The following TTN variants were observed in gnomAD, a reference collection of about 807,000 sequenced individuals.
The protein encoded by TTN is titin, also known as connectin.
TTN carries 1,525 observed loss-of-function variants against 3,223.0 expected under a neutral mutation model. The ratio of observed to expected loss-of-function variants is 0.47; its 90% confidence interval spans 0.45 to 0.49. The LOEUF (loss-of-function observed/expected upper bound fraction) is 0.49. Ranked by LOEUF, TTN falls within the 20% of genes least tolerant of loss-of-function variation. The pLI is 0.00. For synonymous variants in TTN, 14,094 were observed against 15,161.0 expected, an observed-to-expected ratio of 0.93 and a Z score of 5.17; for missense variants, 40,786 against 43,424.0, an observed-to-expected ratio of 0.94 and a Z score of 5.40.
rs767996372 is a variant in TTN, at chr2:178,714,425, T to C, written c.26349A>G (p.Ile8783Met). The change falls in exon 91 of 363, where the codon ATA becomes ATG. Residue 8783 changes from isoleucine (I) to methionine (M), a missense_variant. Ile to Met is a conservative substitution (Grantham distance 10). Transcript: ENST00000589042. ...KGEIVRESDN[I>M]WISYSENIAT... ...CAATGTTTTCTGAATAAGAAATCCA[T>C]ATGTTGTCACTTTCTCTAACGATTT... 9 of 1,613,798 alleles carry C rather than the reference T, an allele frequency of 5.6e-6. No individual in the cohort carries two copies. Among genetic ancestry groups the C allele is most frequent in the Non-Finnish European group, 6.8e-6 (8 of 1,179,754 alleles).
In TTN at chr2:178,722,045, C is replaced by CA. The variant is rs769088567; in HGVS notation, c.22617dup (p.Gly7540TrpfsTer13). The CA allele has an allele frequency of 6.2e-7, 1 of 1,613,052 alleles. No individual in the cohort carries two copies. Among genetic ancestry groups the CA allele is most frequent in the Non-Finnish European group, 8.5e-7 (1 of 1,179,412 alleles). ...CAAGTGATTCGCATCGGTTGAGCACCAGTAACATGACACTCAAAATCAGCA... is the reference window on the plus strand; with the variant it reads ...CAAGTGATTCGCATCGGTTGAGCACCAAGTAACATGACACTCAAAATCAGCA... On this transcript the variant is annotated frameshift_variant, in exon 78 of 363. Transcript: ENST00000589042. LOFTEE classifies it high-confidence loss of function.
Position 178,718,457 on chromosome 2 carries a change from A to G in TTN, c.24649T>C (p.Cys8217Arg). The change falls in exon 85 of 363, where the codon TGC (cysteine) becomes CGC (arginine). Residue 8217 changes from cysteine to arginine, a missense_variant. Physicochemically the swap from Cys to Arg is radical, Grantham distance 180. Transcript: ENST00000589042. ...GATTTTTCTGTCATAGTAATACTGC[A>G]TCTCTCAGATTGTGAAATAAGATAC... is the stretch of plus-strand genomic sequence containing the variant. ...DEYLISQSER[C>R]SITMTEKSTI... The G allele has an allele frequency of 6.2e-7, 1 of 1,613,780 alleles. No homozygotes were observed. The highest frequency in any genetic ancestry group is 8.5e-7 in the Non-Finnish European group (1 of 1,179,762).
chr2:178,728,831 T>C, intron 65 of TTN, 53 bp from the exon 66 acceptor site: 1 of 1,571,402 alleles, frequency 6.4e-7, no homozygotes. Flanking sequence ...CCACTAGAAA[T>C]AATGTCTGCT....
rs772038176 is a variant in TTN at position 178,570,611 on chromosome 2, G to A, written c.75521C>T (p.Ala25174Val). 1.9e-6 allele frequency: 3 copies of A among 1,613,398 alleles called. No individual in the cohort carries two copies. The highest frequency in any genetic ancestry group is 2.5e-6 in the Non-Finnish European group (3 of 1,179,618). The part of the protein sequence containing the change: ...DFATSLSVKD[A>V]VRVDSGNYIL... ...GTAATTTCCACTGTCGACACGTACT[G>A]CATCTTTTACACTGAGACTGGTGGC... Residue 25174 changes from alanine (A) to valine (V), a missense_variant, in exon 326 of 363, where the codon GCA (alanine) becomes GTA (valine). Physicochemically the swap from Ala to Val is moderately conservative, Grantham distance 64. Coordinates refer to ENST00000589042, the MANE Select transcript of TTN (RefSeq NM_001267550.2).
At chr2:178,679,506 T>A (rs2068833467) in intron 141 of TTN, 90 bp from the exon 142 acceptor site, 1 of 1,584,944 alleles carries the variant, frequency 6.3e-7, no homozygotes, top group Non-Finnish European at 8.6e-7. Flanking sequence ...CAACGGACAG[T>A]GACACACACA....
chr2:178,588,135 T>A lies in TTN; in HGVS notation c.63272A>T (p.Asp21091Val). The change falls in exon 305 of 363, where the codon GAT (aspartate) becomes GTT (valine). Residue 21091 changes from aspartate to valine, a missense_variant. Asp to Val is a radical substitution (Grantham distance 152). Coordinates refer to ENST00000589042, the MANE Select transcript of TTN (RefSeq NM_001267550.2). ...ATATCCAATGATCGGTGCACCACCATCATAGACTGGTTTTCCCCACCCAAG... is the reference window on the plus strand; with the variant it reads ...ATATCCAATGATCGGTGCACCACCAACATAGACTGGTTTTCCCCACCCAAG... ...ITLGWGKPVY[D>V]GGAPIIGYVV... The A allele has an allele frequency of 6.2e-7, 1 of 1,611,928 alleles. No individual in the cohort carries two copies. The highest frequency in any genetic ancestry group is 1.1e-5 in the South Asian group (1 of 90,956).
At chr2:178,693,822 G>A in intron 118 of TTN, 100 bp downstream of exon 118, 1 of 1,243,526 alleles carries the variant, frequency 8.0e-7, no homozygotes, top group Non-Finnish European at 1.1e-6. Context: ...TTTACAAGGA[G>A]ACAGAAATGT....
chr2:178,709,540 A>G (rs988944875), intron 99 of TTN, 26 bp downstream of exon 99: 7 of 1,580,520 alleles, frequency 4.4e-6, no homozygotes, highest in Non-Finnish European at 6.0e-6. Flanking sequence ...AAAACACAAC[A>G]GGTTGGGGCT....
chr2:178,533,659 G>A lies in TTN; in HGVS notation c.102956C>T (p.Thr34319Ile), dbSNP rs549304089. Residue 34319 changes from threonine (T) to isoleucine (I), a missense_variant, in exon 358 of 363, where the codon ACA becomes ATA. Thr to Ile is a moderately conservative substitution (Grantham distance 89, BLOSUM62 -1). Coordinates refer to ENST00000589042, the MANE Select transcript of TTN (RefSeq NM_001267550.2). ...FESDKGLYQL[T>I]INSVTTDDDA... Reference sequence around the variant, plus strand: ...ATCATCTGTAGTGACACTGTTGATTGTTAATTGGTAAAGACCCTTGTCTGA... The same window carrying A: ...ATCATCTGTAGTGACACTGTTGATTATTAATTGGTAAAGACCCTTGTCTGA... 2.2e-5 allele frequency: 36 copies of A among 1,613,902 alleles called. No individual in the cohort carries two copies. In the South Asian group the frequency reaches 3.8e-4, roughly 17 times the overall value.
At chr2:178,676,912 T>A (rs2154268041) in intron 147 of TTN, among the ~76,000 whole-genome samples, 1 of 151,808 alleles carries the variant, frequency 6.6e-6, no homozygotes, top group South Asian at 2.1e-4. Flanking sequence ...TACTTATTCA[T>A]ATATATTTAA....
intron 147 of TTN, among the ~76,000 whole-genome samples, chr2:178,676,545 A>G (rs540613064): frequency 3.3e-5 from 5 of 152,014 alleles, no homozygotes; most frequent in Non-Finnish European, 5.9e-5. Flanking sequence ...TATTCATTCA[A>G]TGATAGACTA....
chr2:178,730,395 A>C, intron 61 of TTN, 24 bp from the exon 62 acceptor site: 1 of 1,556,100 alleles, frequency 6.4e-7, no homozygotes, highest in Non-Finnish European at 8.7e-7. Context: ...AAAAACAAGC[A>C]AAAGAAAATA....
rs376894729 is a variant in TTN at position 178,534,459 on chromosome 2, C to A, written c.102156G>T (p.Arg34052=). The change falls in exon 358 of 363, where the codon CGG becomes CGT. Residue 34052 remains arginine (R), a synonymous_variant. Coordinates refer to ENST00000589042, the MANE Select transcript of TTN (RefSeq NM_001267550.2). ...GAGATTTCCTCTCTTTCACTAACAACCGGTCAACAAAATCCATGGCTTCAA... is the reference window on the plus strand; with the variant it reads ...GAGATTTCCTCTCTTTCACTAACAAACGGTCAACAAAATCCATGGCTTCAA... The part of the protein sequence containing the change: ...ISIEAMDFVD[R]LLVKERKSRM... 296 of 1,613,290 alleles carry A rather than the reference C, an allele frequency of 1.8e-4. 1 individual carries two copies. The highest frequency in any genetic ancestry group is 2.3e-4 in the Non-Finnish European group (267 of 1,179,822).
rs397517713 is a variant in TTN at position 178,567,762 on chromosome 2, T to C, written c.78370A>G (p.Ile26124Val). Residue 26124 changes from isoleucine to valine, a missense_variant, in exon 326 of 363, where the codon ATT (isoleucine) becomes GTT (valine). Coordinates refer to ENST00000589042, the MANE Select transcript of TTN (RefSeq NM_001267550.2). ...TCAGGCAAATCACGTTTCTCTACAATGTAGCCTGTAATCATACTTCCACCA... is the reference window on the plus strand; with the variant it reads ...TCAGGCAAATCACGTTTCTCTACAACGTAGCCTGTAATCATACTTCCACCA... ...YDGGSMITGY[I>V]VEKRDLPDGR... 4 of 1,613,478 alleles carry C rather than the reference T, an allele frequency of 2.5e-6. No individual in the cohort carries two copies. The highest frequency in any genetic ancestry group is 3.4e-6 in the Non-Finnish European group (4 of 1,179,572).
Position 178,773,216 on chromosome 2 carries a change from T to C in TTN, c.7748A>G (p.His2583Arg), listed in dbSNP as rs2091790336. The change falls in exon 33 of 363, where the codon CAT becomes CGT. Residue 2583 changes from histidine to arginine, a missense_variant. By Grantham distance (29) the His-to-Arg change is conservative. Transcript: ENST00000589042. ...KPSSKYKIEA[H>R]GKIYKLTVLN... is the part of the protein sequence containing the mutation. ...AACTGTCAATTTATATATTTTTCCA[T>C]GTGCTTCAATTTTATATTTAGAACT... 1.2e-6 allele frequency: 2 copies of C among 1,613,886 alleles called. No individual in the cohort carries two copies. Among genetic ancestry groups the C allele is most frequent in the Non-Finnish European group, 1.7e-6 (2 of 1,179,930 alleles).
chr2:178,562,542 G>T lies in TTN; in HGVS notation c.83590C>A (p.Pro27864Thr). 1 of 1,610,390 alleles carries T rather than the reference G, an allele frequency of 6.2e-7. No homozygotes were observed. Among genetic ancestry groups the T allele is most frequent in the Non-Finnish European group, 8.5e-7 (1 of 1,178,636 alleles). Residue 27864 changes from proline to threonine, a missense_variant, in exon 326 of 363, where the codon CCC (proline) becomes ACC (threonine). Coordinates refer to ENST00000589042, the MANE Select transcript of TTN (RefSeq NM_001267550.2). ...TTEPVKVSEP[P>T]LPPGRVTLVD... Reference sequence around the variant, plus strand: ...AGAGTTACTCTTCCAGGTGGGAGGGGTGGTTCAGACACTTTAACGGGTTCT... The same window carrying T: ...AGAGTTACTCTTCCAGGTGGGAGGGTTGGTTCAGACACTTTAACGGGTTCT...
chr2:178,728,000 T>C, intron 67 of TTN, 110 bp downstream of exon 67: 2 of 1,420,274 alleles, frequency 1.4e-6, no homozygotes, highest in Non-Finnish European at 1.9e-6. Flanking sequence ...AATATGTATC[T>C]AAAGAACCAG....
chr2:178,804,024 C>T (rs940088335), intron 2 of TTN, among the ~76,000 whole-genome samples: 1 of 152,128 alleles, frequency 6.6e-6, no homozygotes, highest in African/African-American at 2.4e-5. Flanking sequence ...ATTAGAATCA[C>T]TCAATAAAGA....
Position 178,586,492 on chromosome 2 carries a change from A to C in TTN, c.64396+13T>G. On this transcript the variant is annotated intron_variant, in intron 308 of 362. Transcript: ENST00000589042. Reference sequence around the variant, plus strand: ...ACTTACCACATGACATAAATGAAGCAAAGACTACTTACACAGTTGTTCTTT... The same window carrying C: ...ACTTACCACATGACATAAATGAAGCCAAGACTACTTACACAGTTGTTCTTT... 6.2e-7 allele frequency: 1 copy of C among 1,610,832 alleles called. No homozygotes were observed. The highest frequency in any genetic ancestry group is 8.5e-7 in the Non-Finnish European group (1 of 1,178,740).
Sources: gnomAD v4.1 joint callset for allele counts (sites outside exome capture counted in the v4.1 genomes callset) on GRCh38, gnomAD v4.1.1 for gene constraint, MANE v1.5 for transcripts, NCBI Gene and HGNC (gene_info 2026-07-23, HGNC 2026-07-21) for gene names.